Variants in SKP2 observed in about 807,000 individuals in gnomAD.
The protein encoded by SKP2 is S-phase kinase associated protein 2.
Under a neutral mutation model 51.8 loss-of-function variants are expected in SKP2, and 16 were observed. That is an observed-to-expected ratio of 0.31 (90% CI 0.21 to 0.47). The LOEUF is 0.47. SKP2 is among the 20% of genes least tolerant of loss of function. SKP2 has a pLI of 1.00. For missense variants in SKP2, 377 were observed against 505.3 expected (o/e 0.75, Z 2.43); for synonymous variants, 176 against 198.6 (o/e 0.89, Z 0.96).
chr5:36,190,032 T>G (rs1468761995), intron 6 of SKP2, among the ~76,000 whole-genome samples: 1 of 152,156 alleles, frequency 6.6e-6, no homozygotes, highest in Non-Finnish European at 1.5e-5. Context: ...GCGCGGGATA[T>G]AATCTCCTGG....
At chr5:36,173,478 G>A (rs1347740662) in intron 7 of SKP2, among the ~76,000 whole-genome samples, 1 of 152,196 alleles carries the variant, frequency 6.6e-6, no homozygotes, top group Non-Finnish European at 1.5e-5. Context: ...GTGAAGGGAA[G>A]GCAGTGCCTT....
chr5:36,187,128 CTT>C (rs1440511810), downstream of SKP2, among the ~76,000 whole-genome samples: 3 of 151,798 alleles, frequency 2.0e-5, no homozygotes, highest in African/African-American at 7.3e-5. Flanking sequence ...ATTCTTCTCT[CTT>C]CTTTATTACT....
At chr5:36,174,324 C>T (rs939228720) in intron 7 of SKP2, among the ~76,000 whole-genome samples, 6 of 152,128 alleles carry the variant, frequency 3.9e-5, no homozygotes, top group Admixed American at 1.3e-4. Flanking sequence ...CTACTGTTTA[C>T]TAACTACTTC....
At chr5:36,165,621 A>G (rs1159069431) in intron 3 of SKP2, among the ~76,000 whole-genome samples, 2 of 152,264 alleles carry the variant, frequency 1.3e-5, no homozygotes, top group Non-Finnish European at 2.9e-5. Flanking sequence ...TCTACAGTCC[A>G]CCTTTTTAAT....
At chr5:36,179,650 T>A (rs1209757957) in intron 9 of SKP2, among the ~76,000 whole-genome samples, 2 of 152,162 alleles carry the variant, frequency 1.3e-5, no homozygotes, top group African/African-American at 4.8e-5. Flanking sequence ...ATTTAAGATT[T>A]TATAAGGAAA....
At chr5:36,170,533 C>A in intron 6 of SKP2, 91 bp downstream of exon 6, 1 of 726,960 alleles carries the variant, frequency 1.4e-6, no homozygotes, top group Non-Finnish European at 2.3e-6. Context: ...ACTTTTTGAG[C>A]TTTTTGTACT....
rs1212067926 is a variant in SKP2, at chr5:36,168,482, A to G, written c.671+35A>G. On this transcript the variant is annotated intron_variant, in intron 5 of 9. Coordinates refer to ENST00000274255, the MANE Select transcript of SKP2 (RefSeq NM_005983.4). ...AGGCAGAGTGTCACAAAGGCAGTTGATTTTATGTGTATGAATTTTTTTCCC... is the reference window on the plus strand; with the variant it reads ...AGGCAGAGTGTCACAAAGGCAGTTGGTTTTATGTGTATGAATTTTTTTCCC... 6 of 1,607,098 alleles carry G rather than the reference A, an allele frequency of 3.7e-6. No homozygotes were observed. The Admixed American group carries it at 6.7e-5, about 18-fold the overall frequency.
At chr5:36,172,145 G>A (rs1347928902) in intron 7 of SKP2, among the ~76,000 whole-genome samples, 1 of 152,218 alleles carries the variant, frequency 6.6e-6, no homozygotes, top group Admixed American at 6.5e-5. Context: ...TATTGTCACA[G>A]CTGTAGGAGT....
Position 36,152,960 on chromosome 5 carries a change from A to G in SKP2, c.198A>G (p.Pro66=), listed in dbSNP as rs1744797146. The change falls in exon 2 of 10, where the codon CCA becomes CCG. Residue 66 remains proline (P), a synonymous_variant. Coordinates refer to ENST00000274255, the MANE Select transcript of SKP2 (RefSeq NM_005983.4). ...ACCTGGGCCACCCGGAGAGCCCCCCACGGAAACGGCTGAAGAGCAAAGGGA... is the reference window on the plus strand; with the variant it reads ...ACCTGGGCCACCCGGAGAGCCCCCCGCGGAAACGGCTGAAGAGCAAAGGGA... ...LSNLGHPESP[P]RKRLKSKGSD... 5 of 1,614,144 alleles carry G rather than the reference A, an allele frequency of 3.1e-6. No homozygotes were observed. The highest frequency in any genetic ancestry group is 8.5e-7 in the Non-Finnish European group (1 of 1,180,024).
At chr5:36,162,621 A>C (rs1234489327) in intron 2 of SKP2, among the ~76,000 whole-genome samples, 1 of 152,236 alleles carries the variant, frequency 6.6e-6, no homozygotes, top group African/African-American at 2.4e-5. Flanking sequence ...CAACACCTAA[A>C]ATGATACCTG....
intron 7 of SKP2, among the ~76,000 whole-genome samples, chr5:36,175,094 C>T (rs550487077): frequency 1.3e-5 from 2 of 152,144 alleles, no homozygotes; most frequent in African/African-American, 4.8e-5. Flanking sequence ...AGCAGGGAGA[C>T]CAGTTAGCAG....
At chr5:36,186,781 T>A (rs1003885442), downstream of SKP2, among the ~76,000 whole-genome samples, 4 of 151,824 alleles carry the variant, frequency 2.6e-5, no homozygotes, top group African/African-American at 7.3e-5. Context: ...GAGGATTCCC[T>A]CTTTTTCTAT....
chr5:36,168,253 T>G (rs921285956), intron 4 of SKP2, 60 bp from the exon 5 acceptor site: 230 of 1,559,174 alleles, frequency 1.5e-4, no homozygotes, highest in Non-Finnish European at 1.9e-4. Flanking sequence ...GGGTCTGGTT[T>G]GAAATTGGAT....
downstream of SKP2, among the ~76,000 whole-genome samples, chr5:36,187,858 G>C (rs888101815): frequency 6.6e-6 from 1 of 152,122 alleles, no homozygotes; most frequent in Non-Finnish European, 1.5e-5. Flanking sequence ...CATTATTATT[G>C]TGTGGGAGTC....
intron 3 of SKP2, among the ~76,000 whole-genome samples, chr5:36,164,936 T>C (rs1411900661): frequency 6.6e-6 from 1 of 152,226 alleles, no homozygotes; most frequent in African/African-American, 2.4e-5. Flanking sequence ...ATTTACTCTT[T>C]TAGCAAACAT....
intron 2 of SKP2, among the ~76,000 whole-genome samples, chr5:36,153,734 G>T (rs1314919421): frequency 6.6e-6 from 1 of 152,096 alleles, no homozygotes; most frequent in Non-Finnish European, 1.5e-5. Flanking sequence ...CTTCTCCCCA[G>T]ATCTATCCCC....
intron 9 of SKP2, among the ~76,000 whole-genome samples, chr5:36,179,148 CT>C (rs752493926): frequency 2.6e-5 from 4 of 152,080 alleles, no homozygotes; most frequent in Non-Finnish European, 5.9e-5. Context: ...GAGTATATTT[CT>C]TTAGGTATTG....
chr5:36,152,726 G>A (rs1164758351), intron 1 of SKP2, 45 bp from the exon 2 acceptor site: 1 of 1,586,686 alleles, frequency 6.3e-7, no homozygotes. Context: ...AATTATTTAT[G>A]GGTGTGTTTT....
chr5:36,164,069 G>A (rs1187824692), intron 3 of SKP2, among the ~76,000 whole-genome samples: 1 of 152,202 alleles, frequency 6.6e-6, no homozygotes, highest in East Asian at 1.9e-4. Flanking sequence ...CATGCAGACA[G>A]CGGTTCCTCA....
Sources: gnomAD v4.1 joint callset for allele counts (sites outside exome capture counted in the v4.1 genomes callset) on GRCh38, gnomAD v4.1.1 for gene constraint, MANE v1.5 for transcripts, NCBI Gene and HGNC (gene_info 2026-07-23, HGNC 2026-07-21) for gene names.